CPNE2: variants seen among roughly 807,000 people sequenced by gnomAD.
The protein encoded by CPNE2 is copine 2, also known as copine-2.
Under a neutral mutation model 69.7 loss-of-function variants are expected in CPNE2, and 42 were observed. The ratio of observed to expected loss-of-function variants is 0.60; its 90% CI spans 0.47 to 0.78. CPNE2 has a LOEUF of 0.78. Among genes scored for constraint, CPNE2 ranks in the 30% least tolerant of loss-of-function variants. The pLI is 0.00. For synonymous variants in CPNE2, 294 were observed against 289.8 expected (o/e 1.01, Z -0.15); for missense variants, 587 against 732.0 (o/e 0.80, Z 2.29).
At chr16:57,129,647 C>T (rs113849415) in intron 12 of CPNE2, among the ~76,000 whole-genome samples, 8 of 152,162 alleles carry the variant, frequency 5.3e-5, no homozygotes, top group African/African-American at 1.4e-4. Flanking sequence ...GGCAAAACCC[C>T]GTCTCTACTA....
At position 57,110,698 on chromosome 16, in the gene CPNE2, G is replaced by A. The variant is rs1257940962; in HGVS notation, c.-35-10G>A. The A allele has an allele frequency of 2.0e-6, 3 of 1,517,032 alleles. No individual in the cohort carries two copies. The highest frequency in any genetic ancestry group is 2.8e-5 in the African/African-American group (2 of 71,568). 94.0% of individuals were successfully genotyped at this position (1,517,032 alleles called of 1,614,324 possible). ...TGTCCACTCTCTGACCCTCACTTCTGTTCCCCTAGACTGCCAGGAACTCCT... is the reference window on the plus strand; with the variant it reads ...TGTCCACTCTCTGACCCTCACTTCTATTCCCCTAGACTGCCAGGAACTCCT... On this transcript the variant is annotated splice_polypyrimidine_tract_variant and intron_variant, in intron 1 of 15. Coordinates refer to ENST00000290776, the MANE Select transcript of CPNE2 (RefSeq NM_152727.6).
intron 10 of CPNE2, chr16:57,124,319 C>T (rs1381924302): frequency 2.9e-5 from 13 of 441,290 alleles, no homozygotes; most frequent in Non-Finnish European, 4.6e-5. Context: ...TGGGCTCAAG[C>T]GATCTGCCCA....
At chr16:57,135,416 C>G (rs1376119274) in intron 13 of CPNE2, among the ~76,000 whole-genome samples, 1 of 152,176 alleles carries the variant, frequency 6.6e-6, no homozygotes, top group Non-Finnish European at 1.5e-5. Flanking sequence ...TGCCTGTAAT[C>G]CCAGCACTTT....
intron 14 of CPNE2, among the ~76,000 whole-genome samples, chr16:57,138,742 T>A (rs1208976818): frequency 6.6e-6 from 1 of 152,236 alleles, no homozygotes; most frequent in African/African-American, 2.4e-5. Context: ...CTTCTCTCCG[T>A]GCCTGGTCCA....
chr16:57,108,114 C>T (rs909776368), intron 1 of CPNE2, among the ~76,000 whole-genome samples: 2 of 152,178 alleles, frequency 1.3e-5, no homozygotes, highest in Non-Finnish European at 2.9e-5. Context: ...AAGTGATCCA[C>T]CTGCCTGGGC....
chr16:57,094,944 G>A (rs1460274623), intron 1 of CPNE2, among the ~76,000 whole-genome samples: 1 of 152,176 alleles, frequency 6.6e-6, no homozygotes, highest in African/African-American at 2.4e-5. Flanking sequence ...TCCTGTCAGA[G>A]CAGGAGGCAT....
intron 1 of CPNE2, among the ~76,000 whole-genome samples, chr16:57,098,924 C>A (rs1215113336): frequency 2.6e-5 from 4 of 152,094 alleles, no homozygotes; most frequent in African/African-American, 9.7e-5. Context: ...TAGAGGAGTC[C>A]CTGGATTATT....
intron 14 of CPNE2, among the ~76,000 whole-genome samples, chr16:57,137,691 C>T (rs2069893077): frequency 6.6e-6 from 1 of 152,218 alleles, no homozygotes; most frequent in Non-Finnish European, 1.5e-5. Flanking sequence ...TGGCCCTGGC[C>T]CTACACTCAG....
At chr16:57,128,946 G>A (rs1270422439) in intron 12 of CPNE2, 1 of 152,246 alleles carries the variant, frequency 6.6e-6, no homozygotes, top group East Asian at 1.9e-4. Context: ...GTGCTGAGGT[G>A]GGGGCACCGT....
chr16:57,096,889 G>A (rs769700358), intron 1 of CPNE2, among the ~76,000 whole-genome samples: 1 of 151,990 alleles, frequency 6.6e-6, no homozygotes, highest in Non-Finnish European at 1.5e-5. Context: ...GAGTTGTAGG[G>A]AGAATGGGCT....
At chr16:57,114,341 C>T (rs1466094797) in intron 3 of CPNE2, among the ~76,000 whole-genome samples, 1 of 152,182 alleles carries the variant, frequency 6.6e-6, no homozygotes, top group African/African-American at 2.4e-5. Context: ...GAGGAAGTGG[C>T]ATTGCCAGGG....
chr16:57,121,339 C>T (rs2069760600), intron 8 of CPNE2, 148 bp downstream of exon 8: 9 of 676,674 alleles, frequency 1.3e-5, no homozygotes, highest in Non-Finnish European at 2.0e-5. Context: ...CTCAGTTTCT[C>T]CATCTGTCAA....
intron 13 of CPNE2, among the ~76,000 whole-genome samples, chr16:57,136,592 T>C (rs2145277627): frequency 6.6e-6 from 1 of 152,272 alleles, no homozygotes; most frequent in South Asian, 2.1e-4. Context: ...AAGATTAAAC[T>C]ACTTGCCCCA....
At chr16:57,114,200 CT>C (rs2069700955) in intron 3 of CPNE2, among the ~76,000 whole-genome samples, 1 of 152,192 alleles carries the variant, frequency 6.6e-6, no homozygotes, top group African/African-American at 2.4e-5. Flanking sequence ...GGTCCCTACC[CT>C]GTGGTATAAC....
Position 57,146,477 on chromosome 16 carries a change from C to G in CPNE2, c.1539+156C>G. On this transcript the variant is annotated intron_variant, in intron 15 of 15. Transcript: ENST00000290776. This position sits in a 1 kb window ranked among gnomAD's most constrained non-coding sequence, Gnocchi z 4.4. ...TGAGGGCCTGCCATGTGCCAGGCGC[C>G]GTGCCAGGCCTTGCCCCGGTGGTGG... 1 of 681,136 alleles carries G rather than the reference C, an allele frequency of 1.5e-6. No homozygotes were observed. Among genetic ancestry groups the G allele is most frequent in the Non-Finnish European group, 2.4e-6 (1 of 409,434 alleles). 42.2% of individuals were successfully genotyped at this position (681,136 alleles called of 1,614,324 possible). A position where few individuals can be genotyped will look rare whatever the true frequency, so the allele number is the denominator to read the frequency against.
chr16:57,107,255 C>A (rs1205560259), intron 1 of CPNE2, among the ~76,000 whole-genome samples: 1 of 152,068 alleles, frequency 6.6e-6, no homozygotes, highest in African/African-American at 2.4e-5. Flanking sequence ...AAGAATAAAT[C>A]CTGCAGGCAA....
intron 7 of CPNE2, among the ~76,000 whole-genome samples, chr16:57,119,932 T>C (rs1408535809): frequency 6.6e-6 from 1 of 152,124 alleles, no homozygotes; most frequent in Non-Finnish European, 1.5e-5. Flanking sequence ...TTGGAAATTA[T>C]CAAATTTGGC....
Position 57,105,436 on chromosome 16 carries a change from T to G in CPNE2, c.-35-5272T>G, listed in dbSNP as rs1414004638. Among the ~76,000 whole-genome samples, 8 of 151,982 alleles carry G rather than the reference T, an allele frequency of 5.3e-5. No individual in the cohort carries two copies. In the East Asian group the frequency reaches 7.7e-4, roughly 15 times the overall value. On this transcript the variant is annotated intron_variant, in intron 1 of 15. Coordinates refer to ENST00000290776, the MANE Select transcript of CPNE2 (RefSeq NM_152727.6). Reference sequence around the variant, plus strand: ...GCTGAATCCTATGTGTCCGGTTTTTTTTTTTTTTTTAACTTTTAAGACAGG... The same window carrying G: ...GCTGAATCCTATGTGTCCGGTTTTTGTTTTTTTTTTAACTTTTAAGACAGG...
chr16:57,106,373 A>G (rs1362586617), intron 1 of CPNE2, among the ~76,000 whole-genome samples: 3 of 152,200 alleles, frequency 2.0e-5, no homozygotes, highest in African/African-American at 7.2e-5. Context: ...AGGGAGGGAA[A>G]GGCAGGAGGC....
Sources: gnomAD v4.1 joint callset for allele counts (sites outside exome capture counted in the v4.1 genomes callset) on GRCh38, gnomAD v4.1.1 for gene constraint, Gnocchi (gnomAD v3.1) non-coding constraint, MANE v1.5 for transcripts, NCBI Gene and HGNC (gene_info 2026-07-23, HGNC 2026-07-21) for gene names.